The following TTYH1 variants were observed in gnomAD, a reference collection of about 807,000 sequenced individuals.
TTYH1 encodes the protein protein tweety homolog 1.
Under a neutral mutation model 61.2 loss-of-function variants are expected in TTYH1, and 33 were observed. The observed-to-expected ratio is 0.54, with a 90% CI of 0.41 to 0.72. The LOEUF (loss-of-function observed/expected upper bound fraction) is 0.72, where lower values mean the gene tolerates loss of function less well. Among genes scored for constraint, TTYH1 ranks in the 30% least tolerant of loss-of-function variants. The pLI is 0.00. For missense variants in TTYH1, 538 were observed against 575.8 expected (o/e 0.93, Z 0.67); for synonymous variants, 308 against 266.4 (o/e 1.16, Z -1.52).
At position 54,429,215 on chromosome 19, in the gene TTYH1, G is replaced by T. The variant is rs2083384888; in HGVS notation, c.735-92G>T. On this transcript the variant is annotated intron_variant, in intron 5 of 13. Coordinates refer to ENST00000376530, the MANE Select transcript of TTYH1 (RefSeq NM_020659.4). This position sits in a 1 kb window ranked among gnomAD's most constrained non-coding sequence, Gnocchi z 5.1. Reference sequence around the variant, plus strand: ...CTCCAGGCTCCAGAGGTGGGTGGAGGTGGGGGGCGGCTGTGATGGGATTTG... The same window carrying T: ...CTCCAGGCTCCAGAGGTGGGTGGAGTTGGGGGGCGGCTGTGATGGGATTTG... 2 of 1,182,204 alleles carry T rather than the reference G, an allele frequency of 1.7e-6. No homozygotes were observed. Among genetic ancestry groups the T allele is most frequent in the Admixed American group, 1.8e-5 (1 of 56,886 alleles). 73.2% of individuals were successfully genotyped at this position (1,182,204 alleles called of 1,614,324 possible). A position where few individuals can be genotyped will look rare whatever the true frequency, so the allele number is the denominator to read the frequency against.
rs2083230371 is a variant in TTYH1 at position 54,422,181 on chromosome 19, T to C, written c.418-9T>C. ...TCCTTCCAGACCTCAGCCCCTGTCC[T>C]ATCCCCAGGTGTTGGAGACGGTGGA... is the stretch of plus-strand genomic sequence containing the variant. On this transcript the variant is annotated splice_polypyrimidine_tract_variant and intron_variant, in intron 3 of 13. Coordinates refer to ENST00000376530, the MANE Select transcript of TTYH1 (RefSeq NM_020659.4). 4 of 1,552,418 alleles carry C rather than the reference T, an allele frequency of 2.6e-6. No individual in the cohort carries two copies. Among genetic ancestry groups the C allele is most frequent in the African/African-American group, 2.7e-5 (2 of 73,804 alleles).
chr19:54,427,169 C>T (rs1444194030), intron 5 of TTYH1, among the ~76,000 whole-genome samples: 4 of 151,506 alleles, frequency 2.6e-5, no homozygotes, highest in East Asian at 1.9e-4. Context: ...TGGTGGCATG[C>T]GCCTGTAGTC....
At chr19:54,430,111 C>A (rs995078041) in intron 7 of TTYH1, among the ~76,000 whole-genome samples, 154 bp downstream of exon 7, 3 of 152,124 alleles carry the variant, frequency 2.0e-5, no homozygotes, top group African/African-American at 7.2e-5. Flanking sequence ...GGGCTCCTGG[C>A]CACTCCCCAG....
chr19:54,435,064 G>A (rs868404606), intron 10 of TTYH1: 16 of 154,024 alleles, frequency 1.0e-4, no homozygotes, highest in Non-Finnish European at 2.8e-5. Context: ...CGGAGCTGGC[G>A]GTGGCTGGCC....
chr19:54,427,697 A>G (rs2083356080), intron 5 of TTYH1, among the ~76,000 whole-genome samples: 1 of 151,986 alleles, frequency 6.6e-6, no homozygotes, highest in Admixed American at 6.6e-5. Context: ...CACCCCATGA[A>G]GGAGCTACCA....
chr19:54,416,780 C>G lies in TTYH1; in HGVS notation c.126+1102C>G. 3.1e-6 allele frequency: 4 copies of G among 1,293,652 alleles called. No individual in the cohort carries two copies. Among genetic ancestry groups the G allele is most frequent in the Non-Finnish European group, 3.0e-6 (3 of 988,666 alleles). The allele number at this position is 1,293,652 out of a possible 1,614,324, so 80.1% of individuals were successfully genotyped here. A position where few individuals can be genotyped will look rare whatever the true frequency, so the allele number is the denominator to read the frequency against. On this transcript the variant is annotated intron_variant, in intron 1 of 13. Coordinates refer to ENST00000376530, the MANE Select transcript of TTYH1 (RefSeq NM_020659.4). The surrounding 1 kb of genome is among the most constrained non-coding windows in gnomAD (Gnocchi z 7.0). ...CCACACACGGGGACCGCCGTCCCCTCGCCCACAGCCTCGCGGTTACACAAC... is the reference window on the plus strand; with the variant it reads ...CCACACACGGGGACCGCCGTCCCCTGGCCCACAGCCTCGCGGTTACACAAC...
chr19:54,424,288 C>G (rs957828710), intron 4 of TTYH1, among the ~76,000 whole-genome samples: 3 of 152,288 alleles, frequency 2.0e-5, no homozygotes, highest in East Asian at 1.9e-4. Flanking sequence ...AGGCAGCCAC[C>G]CTTCCCAGCG....
At chr19:54,435,438 C>A in intron 10 of TTYH1, 104 bp from the exon 11 acceptor site, 1 of 1,374,102 alleles carries the variant, frequency 7.3e-7, no homozygotes, top group Non-Finnish European at 9.8e-7. Context: ...GGTCAGTTGA[C>A]GTGTGCAGTA....
At position 54,421,430 on chromosome 19, in the gene TTYH1, G is replaced by T; in HGVS notation, c.417+42G>T. On this transcript the variant is annotated intron_variant, in intron 3 of 13. Coordinates refer to ENST00000376530, the MANE Select transcript of TTYH1 (RefSeq NM_020659.4). The surrounding 1 kb of genome is among the most constrained non-coding windows in gnomAD (Gnocchi z 4.8). ...CAGTGGGACCCCAGACCCACACCTG[G>T]ACGGGCTCCCCACACCCAAGGACAA... The T allele has an allele frequency of 7.3e-7, 1 of 1,366,678 alleles. No homozygotes were observed. Among genetic ancestry groups the T allele is most frequent in the Non-Finnish European group, 1.0e-6 (1 of 954,726 alleles). 84.7% of individuals were successfully genotyped at this position (1,366,678 alleles called of 1,614,324 possible). A position where few individuals can be genotyped will look rare whatever the true frequency, so the allele number is the denominator to read the frequency against.
At chr19:54,430,765 G>C (rs777430611) in intron 8 of TTYH1, 48 bp from the exon 9 acceptor site, 3 of 1,592,692 alleles carry the variant, frequency 1.9e-6, no homozygotes, top group Non-Finnish European at 2.6e-6. Context: ...AGAGAGGGCC[G>C]GGGGCGTATA....
chr19:54,420,385 C>G lies in TTYH1; in HGVS notation c.306-892C>G, dbSNP rs543123819. ...ACAAAGGCCCAGTGGGGGAGAGACACGGCCCCAGCCCCCGCAGCCTGGGAA... is the reference window on the plus strand; with the variant it reads ...ACAAAGGCCCAGTGGGGGAGAGACAGGGCCCCAGCCCCCGCAGCCTGGGAA... On this transcript the variant is annotated intron_variant, in intron 2 of 13. Transcript: ENST00000376530. This position sits in a 1 kb window ranked among gnomAD's most constrained non-coding sequence, Gnocchi z 4.8. Among the ~76,000 whole-genome samples, 3 of 152,268 alleles carry G rather than the reference C, an allele frequency of 2.0e-5. No individual in the cohort carries two copies. Among genetic ancestry groups the G allele is most frequent in the Admixed American group, 1.3e-4 (2 of 15,306 alleles).
Position 54,419,222 on chromosome 19 carries a change from C to T in TTYH1, c.221C>T (p.Pro74Leu), listed in dbSNP as rs752829139. ...VYLIRFCCCRPPEPPGSKIPS... is the reference protein window; with the variant it reads ...VYLIRFCCCRLPEPPGSKIPS... Reference sequence around the variant, plus strand: ...CTCATCCGCTTCTGCTGCTGCCGGCCCCCCGAGCCCCCCGGGTCCAAGATC... The same window carrying T: ...CTCATCCGCTTCTGCTGCTGCCGGCTCCCCGAGCCCCCCGGGTCCAAGATC... Residue 74 changes from proline (P) to leucine (L), a missense_variant, in exon 2 of 14, where the codon CCC (proline) becomes CTC (leucine). Transcript: ENST00000376530. This position sits in a 1 kb window ranked among gnomAD's most constrained non-coding sequence, Gnocchi z 6.1. The T allele has an allele frequency of 6.2e-7, 1 of 1,610,104 alleles. No individual in the cohort carries two copies. Among genetic ancestry groups the T allele is most frequent in the Non-Finnish European group, 8.5e-7 (1 of 1,179,940 alleles).
Position 54,426,589 on chromosome 19 carries a change from G to C in TTYH1, c.639-84G>C, listed in dbSNP as rs112629363. On this transcript the variant is annotated intron_variant, in intron 4 of 13. Coordinates refer to ENST00000376530, the MANE Select transcript of TTYH1 (RefSeq NM_020659.4). ...AATGTGAGGCTGAGCTGGGGGGCAG[G>C]GTGAATGCTGGTGGAGGGTTGCTGT... is the stretch of plus-strand genomic sequence containing the variant. 2.7e-5 allele frequency: 28 copies of C among 1,039,596 alleles called. 1 individual carries two copies. The African/African-American group carries it at 3.6e-4, about 13-fold the overall frequency. 64.4% of individuals were successfully genotyped at this position (1,039,596 alleles called of 1,614,324 possible).
chr19:54,436,544 C>A lies in TTYH1; in HGVS notation c.*254C>A. 4.4e-6 allele frequency: 3 copies of A among 683,580 alleles called. No homozygotes were observed. Among genetic ancestry groups the A allele is most frequent in the Non-Finnish European group, 7.6e-6 (3 of 396,428 alleles). The allele number at this position is 683,580 out of a possible 1,614,324, so 42.3% of individuals were successfully genotyped here. ...GGGGGCAGACAGCCTCGCCTCGCAC[C>A]CTTCATCCCTGGCTGCCGGTCCCAT... On this transcript the variant is annotated 3_prime_UTR_variant, in exon 14 of 14. Transcript: ENST00000376530. This position sits in a 1 kb window ranked among gnomAD's most constrained non-coding sequence, Gnocchi z 4.3.
rs768683157 is a variant in TTYH1 at position 54,419,253 on chromosome 19, G to T, written c.252G>T (p.Ser84=). The change falls in exon 2 of 14, where the codon TCG becomes TCT. Residue 84 remains serine (S), a synonymous_variant. Coordinates refer to ENST00000376530, the MANE Select transcript of TTYH1 (RefSeq NM_020659.4). This position sits in a 1 kb window ranked among gnomAD's most constrained non-coding sequence, Gnocchi z 6.1. ...AGCCCCCCGGGTCCAAGATCCCCTCGCCCGGGGGAGGCTGCGTCACCTGGA... is the reference window on the plus strand; with the variant it reads ...AGCCCCCCGGGTCCAAGATCCCCTCTCCCGGGGGAGGCTGCGTCACCTGGA... ...PPEPPGSKIP[S]PGGGCVTWSC... 1 of 1,607,262 alleles carries T rather than the reference G, an allele frequency of 6.2e-7. No homozygotes were observed. The highest frequency in any genetic ancestry group is 8.5e-7 in the Non-Finnish European group (1 of 1,179,826).
At chr19:54,435,256 G>A (rs1345441991) in intron 10 of TTYH1, 2 of 405,596 alleles carry the variant, frequency 4.9e-6, no homozygotes, top group South Asian at 6.1e-5. Context: ...GAGGACCCAT[G>A]TGAAAGGGAG....
In TTYH1 at chr19:54,419,384, C is replaced by T. The variant is rs2083161186; in HGVS notation, c.305+78C>T. On this transcript the variant is annotated intron_variant, in intron 2 of 13. Coordinates refer to ENST00000376530, the MANE Select transcript of TTYH1 (RefSeq NM_020659.4). This position sits in a 1 kb window ranked among gnomAD's most constrained non-coding sequence, Gnocchi z 6.1. ...TTGCTGGCCTTCCTGGGGGTGTCCT[C>T]CGGGGACATGGAGGAAGCAGACAGG... 2.8e-6 allele frequency: 4 copies of T among 1,443,682 alleles called. No homozygotes were observed. The East Asian group carries it at 9.6e-5, about 35-fold the overall frequency. The allele number at this position is 1,443,682 out of a possible 1,614,324, so 89.4% of individuals were successfully genotyped here.
chr19:54,430,073 C>T lies in TTYH1; in HGVS notation c.883+116C>T, dbSNP rs551048895. On this transcript the variant is annotated intron_variant, in intron 7 of 13. Coordinates refer to ENST00000376530, the MANE Select transcript of TTYH1 (RefSeq NM_020659.4). The stretch of plus-strand genomic sequence containing the variant: ...TGGGGTGGGGGTGCAGCCTGCCAGG[C>T]GAGACCCAGCCCTCTGGAAGGGAAG... 8.1e-4 allele frequency: 714 copies of T among 876,234 alleles called. 6 individuals are homozygous for T. The African/African-American group carries it at 0.011, about 13-fold the overall frequency. 54.3% of individuals were successfully genotyped at this position (876,234 alleles called of 1,614,324 possible). A position where few individuals can be genotyped will look rare whatever the true frequency, so the allele number is the denominator to read the frequency against.
chr19:54,427,402 G>T (rs1266412383), intron 5 of TTYH1, among the ~76,000 whole-genome samples: 4 of 147,388 alleles, frequency 2.7e-5, no homozygotes, highest in African/African-American at 7.5e-5. Context: ...TCAGGAGTTC[G>T]AGACCATCCT....
Sources: gnomAD v4.1 joint callset for allele counts (sites outside exome capture counted in the v4.1 genomes callset) on GRCh38, gnomAD v4.1.1 for gene constraint, Gnocchi (gnomAD v3.1) non-coding constraint, MANE v1.5 for transcripts, NCBI Gene and HGNC (gene_info 2026-07-23, HGNC 2026-07-21) for gene names.